PIK3C3: variants seen among roughly 807,000 people sequenced by gnomAD.
PIK3C3 encodes PI3-kinase type 3.
A neutral mutation model predicts 126.1 loss-of-function variants in PIK3C3; 95 were observed. That is an observed-to-expected ratio of 0.75 (90% CI 0.64 to 0.89). The LOEUF (loss-of-function observed/expected upper bound fraction) is 0.89, where lower values mean the gene tolerates loss of function less well. Ranked by LOEUF, PIK3C3 falls within the 40% of genes least tolerant of loss-of-function variation. The pLI is 0.00. For missense variants in PIK3C3, 829 were observed against 1,063.2 expected (o/e 0.78, Z 3.06); for synonymous variants, 374 against 360.0 (o/e 1.04, Z -0.44).
intron 11 of PIK3C3, among the ~76,000 whole-genome samples, chr18:42,014,207 C>CAAAAAAAAAAA (rs58086258): frequency 4.9e-5 from 2 of 40,996 alleles, no homozygotes; most frequent in Non-Finnish European, 9.8e-5. Flanking sequence ...GACTCCGTCT[C>CAAAAAAAAAAA]AAAAAAAAAA....
chr18:42,022,221 T>C (rs1167927063), intron 13 of PIK3C3, among the ~76,000 whole-genome samples: 1 of 152,198 alleles, frequency 6.6e-6, no homozygotes, highest in Non-Finnish European at 1.5e-5. Context: ...ACATGTGCCA[T>C]GTTGGTGTGC....
At chr18:41,955,783 C>T (rs765526973) in intron 1 of PIK3C3, among the ~76,000 whole-genome samples, 1 of 151,936 alleles carries the variant, frequency 6.6e-6, no homozygotes, top group South Asian at 2.1e-4. Context: ...CAGGCAGATG[C>T]GATAGTTGAG....
chr18:42,028,830 C>T (rs755688799), intron 14 of PIK3C3, among the ~76,000 whole-genome samples: 3 of 152,088 alleles, frequency 2.0e-5, no homozygotes, highest in Admixed American at 6.6e-5. Context: ...TACATAGGAC[C>T]GTATAGCATT....
chr18:42,064,968 T>A (rs963533536), intron 23 of PIK3C3, 138 bp downstream of exon 23: 13 of 551,696 alleles, frequency 2.4e-5, no homozygotes, highest in African/African-American at 1.9e-4. Flanking sequence ...ATAGGTTCTC[T>A]CATCTGGAGA....
At chr18:42,041,407 C>G (rs762126239) in intron 19 of PIK3C3, among the ~76,000 whole-genome samples, 19 of 151,336 alleles carry the variant, frequency 1.3e-4, no homozygotes, top group Non-Finnish European at 2.5e-4. Flanking sequence ...ACCCCCTATC[C>G]TCTCCCTTCA....
intron 21 of PIK3C3, among the ~76,000 whole-genome samples, chr18:42,054,569 A>T (rs1182372035): frequency 6.6e-6 from 1 of 152,074 alleles, no homozygotes; most frequent in Non-Finnish European, 1.5e-5. Flanking sequence ...GTCAGTATTA[A>T]CATCACAGCT....
chr18:42,037,942 A>C, intron 17 of PIK3C3, 122 bp downstream of exon 17: 589 of 870,894 alleles, frequency 6.8e-4, no homozygotes, highest in Non-Finnish European at 9.2e-4. Context: ...TAGAAAGCTC[A>C]ACAGTCTCCA....
intron 14 of PIK3C3, among the ~76,000 whole-genome samples, chr18:42,028,928 A>T (rs914550811): frequency 6.6e-5 from 10 of 152,166 alleles, no homozygotes; most frequent in Non-Finnish European, 1.2e-4. Flanking sequence ...TTCCTTGAAG[A>T]TCTATATCTT....
chr18:42,035,286 A>G (rs1983999677), intron 16 of PIK3C3, among the ~76,000 whole-genome samples: 1 of 152,166 alleles, frequency 6.6e-6, no homozygotes, highest in Non-Finnish European at 1.5e-5. Context: ...ACCAGCTTCT[A>G]ATATTCTTGA....
intron 20 of PIK3C3, among the ~76,000 whole-genome samples, chr18:42,047,016 GT>G (rs1257167738): frequency 6.6e-6 from 1 of 152,124 alleles, no homozygotes; most frequent in Non-Finnish European, 1.5e-5. Flanking sequence ...ATGATGAGTA[GT>G]TTATAGAAAT....
At position 42,081,163 on chromosome 18, in the gene PIK3C3, T is replaced by A. The variant is rs561245539; in HGVS notation, c.*26T>A. The A allele has an allele frequency of 1.9e-6, 3 of 1,563,346 alleles. No homozygotes were observed. In the South Asian group the frequency reaches 3.5e-5, roughly 18 times the overall value. ...AACTGGGATTGACCCATCAAGATGC[T>A]TGGCTCAATAAGAAAACCACGTTAG... On this transcript the variant is annotated 3_prime_UTR_variant, in exon 25 of 25. Transcript: ENST00000262039.
intron 4 of PIK3C3, among the ~76,000 whole-genome samples, chr18:41,979,928 ACCT>A (rs1981114315): frequency 6.7e-6 from 1 of 150,208 alleles, no homozygotes; most frequent in South Asian, 2.1e-4. Flanking sequence ...AGGAAAATTA[ACCT>A]CAGACTATTT....
intron 4 of PIK3C3, among the ~76,000 whole-genome samples, chr18:41,981,623 T>C (rs376244385): frequency 6.6e-6 from 1 of 152,118 alleles, no homozygotes; most frequent in South Asian, 2.1e-4. Context: ...GTAGTTCAAA[T>C]AAATTATTTT....
chr18:41,957,569 G>C lies in PIK3C3; in HGVS notation c.69-1G>C. On this transcript the variant is annotated splice_acceptor_variant, in intron 1 of 24. Transcript: ENST00000262039. LOFTEE classifies it high-confidence loss of function. ...AAACATTGTTGGTCTTGTGCTTTCA[G>C]AGGAAGCTTGGAAGGGAAGAGAGAA... is the stretch of plus-strand genomic sequence containing the variant. 2 of 1,604,774 alleles carry C rather than the reference G, an allele frequency of 1.2e-6. No homozygotes were observed. The highest frequency in any genetic ancestry group is 1.7e-6 in the Non-Finnish European group (2 of 1,177,772).
chr18:41,962,117 A>G lies in PIK3C3; in HGVS notation c.258-372A>G, dbSNP rs78924412. 7.1e-3 allele frequency among the ~76,000 whole-genome samples: 1,073 copies of G among 152,090 alleles called. 13 individuals are homozygous for G. Among genetic ancestry groups the G allele is most frequent in the African/African-American group, 0.023 (951 of 41,502 alleles). On this transcript the variant is annotated intron_variant, in intron 2 of 24. Transcript: ENST00000262039. Reference sequence around the variant, plus strand: ...GAGTATGAGTAATTTTGATTATTTTATCTTCATAATGTAAATTGGGTTTTG... The same window carrying G: ...GAGTATGAGTAATTTTGATTATTTTGTCTTCATAATGTAAATTGGGTTTTG...
rs751195759 is a variant in PIK3C3, at chr18:42,027,548, G to A, written c.1590G>A (p.Lys530=). Residue 530 remains lysine (K), a splice_region_variant and synonymous_variant, in exon 14 of 25, where the codon AAG becomes AAA. Coordinates refer to ENST00000262039, the MANE Select transcript of PIK3C3 (RefSeq NM_002647.4). ...GAAGATTCAGCCAAGCATTGTTGAA[G>A]GTAACCCTTAAATGTGAGGGTTGGC... ...VMRRFSQALL[K]GDKSVRVMRS... 6.3e-7 allele frequency: 1 copy of A among 1,596,452 alleles called. No individual in the cohort carries two copies. Among genetic ancestry groups the A allele is most frequent in the Non-Finnish European group, 8.6e-7 (1 of 1,165,126 alleles).
chr18:42,074,705 A>G (rs1323713278), intron 24 of PIK3C3, among the ~76,000 whole-genome samples: 2 of 152,114 alleles, frequency 1.3e-5, no homozygotes, highest in African/African-American at 2.4e-5. Flanking sequence ...CTTTATTCAT[A>G]CTAACTTTCC....
chr18:42,074,079 T>C (rs530290821), intron 24 of PIK3C3, among the ~76,000 whole-genome samples: 20 of 152,342 alleles, frequency 1.3e-4, no homozygotes, highest in Non-Finnish European at 2.6e-4. Context: ...AGTCGCTCTT[T>C]CCTGGGTCAG....
At chr18:42,035,845 T>C (rs1051395220) in intron 16 of PIK3C3, among the ~76,000 whole-genome samples, 3 of 152,194 alleles carry the variant, frequency 2.0e-5, no homozygotes, top group Admixed American at 6.5e-5. Context: ...CCCTTATTTC[T>C]AGTAGTTTTA....
Sources: allele counts gnomAD v4.1 joint callset (sites outside exome capture counted in the v4.1 genomes callset), GRCh38; gene constraint gnomAD v4.1.1; transcripts MANE v1.5; gene names NCBI Gene and HGNC (gene_info 2026-07-23, HGNC 2026-07-21).